Variants in ENTREP2 observed in about 807,000 individuals in gnomAD.
ENTREP2 encodes the protein endosomal transmembrane epsin interactor 2, also known as protein ENTREP2.
the ENTREP2 span, chr15:29,126,625 C>T: frequency 2.1e-5 from 15 of 727,076 alleles, no homozygotes; most frequent in Admixed American, 5.5e-5. Flanking sequence ...ATAAGATTGA[C>T]AAATGCTGCT....
chr15:29,403,779 C>T, the ENTREP2 span, among the ~76,000 whole-genome samples: 1 of 152,184 alleles, frequency 6.6e-6, no homozygotes, highest in Admixed American at 6.5e-5. Flanking sequence ...CCTGACTTAG[C>T]CCCAAAGCAG....
At chr15:29,175,120 A>C in the ENTREP2 span, among the ~76,000 whole-genome samples, 1 of 152,152 alleles carries the variant, frequency 6.6e-6, no homozygotes, top group African/African-American at 2.4e-5. Flanking sequence ...TGTATGTATC[A>C]CTGCATATGG....
chr15:29,518,477 T>C, the ENTREP2 span, among the ~76,000 whole-genome samples: 2 of 152,114 alleles, frequency 1.3e-5, no homozygotes, highest in Non-Finnish European at 2.9e-5. Flanking sequence ...ATGCACCTCC[T>C]ATAGAAACAC....
chr15:29,222,470 C>A, the ENTREP2 span, among the ~76,000 whole-genome samples: 1 of 152,156 alleles, frequency 6.6e-6, no homozygotes, highest in Admixed American at 6.5e-5. Flanking sequence ...GCCTCTAATT[C>A]TTTCTTGCGC....
chr15:29,412,594 A>C, the ENTREP2 span, among the ~76,000 whole-genome samples: 1 of 152,060 alleles, frequency 6.6e-6, no homozygotes, highest in Non-Finnish European at 1.5e-5. Flanking sequence ...AAATCTGTCC[A>C]TTACATCTGA....
At chr15:29,479,695 A>G in the ENTREP2 span, among the ~76,000 whole-genome samples, 69 of 151,508 alleles carry the variant, frequency 4.6e-4, no homozygotes, top group Admixed American at 2.4e-3. Flanking sequence ...ACACACACAC[A>G]CACACACACA....
At chr15:29,272,432 G>T in the ENTREP2 span, among the ~76,000 whole-genome samples, 1 of 152,042 alleles carries the variant, frequency 6.6e-6, no homozygotes, top group Non-Finnish European at 1.5e-5. Context: ...AAAATATTAG[G>T]ATATTTTCAA....
At chr15:29,237,026 C>T in the ENTREP2 span, among the ~76,000 whole-genome samples, 1 of 152,142 alleles carries the variant, frequency 6.6e-6, no homozygotes, top group East Asian at 1.9e-4. Context: ...TTACTACATG[C>T]CATGGCCAAG....
chr15:29,523,300 G>A, the ENTREP2 span, among the ~76,000 whole-genome samples: 1 of 152,188 alleles, frequency 6.6e-6, no homozygotes, highest in African/African-American at 2.4e-5. Context: ...TCCTGTACAT[G>A]TGCAATAAAC....
the ENTREP2 span, among the ~76,000 whole-genome samples, chr15:29,632,855 C>T: frequency 3.3e-5 from 5 of 152,320 alleles, no homozygotes; most frequent in Non-Finnish European, 7.4e-5. Context: ...GGTTTTACAT[C>T]AGGTTTCCCA....
chr15:29,586,500 G>A, the ENTREP2 span, among the ~76,000 whole-genome samples: 1 of 152,322 alleles, frequency 6.6e-6, no homozygotes, highest in East Asian at 1.9e-4. Flanking sequence ...TTTTCTAAAA[G>A]ACCAATGGAG....
At chr15:29,217,543 T>C in the ENTREP2 span, among the ~76,000 whole-genome samples, 1 of 152,246 alleles carries the variant, frequency 6.6e-6, no homozygotes. Flanking sequence ...TGTTGAATTC[T>C]ATTCCTGAGA....
chr15:29,570,547 C>G, the ENTREP2 span: 2 of 1,465,946 alleles, frequency 1.4e-6, no homozygotes, highest in Non-Finnish European at 1.8e-6. Flanking sequence ...GGACGCGGGC[C>G]GAGGTGGTGA....
the ENTREP2 span, among the ~76,000 whole-genome samples, chr15:29,156,431 AC>A: frequency 6.6e-6 from 1 of 151,874 alleles, no homozygotes; most frequent in Non-Finnish European, 1.5e-5. Context: ...CAGGTGATCC[AC>A]CCTCCTCGGC....
At chr15:29,288,904 T>C in the ENTREP2 span, among the ~76,000 whole-genome samples, 1,273 of 152,014 alleles carry the variant, frequency 8.4e-3, 5 homozygotes, top group Non-Finnish European at 0.014. Flanking sequence ...TTCCAGAACA[T>C]ACAAAATAAA....
At chr15:29,633,185 C>T in the ENTREP2 span, among the ~76,000 whole-genome samples, 1 of 152,152 alleles carries the variant, frequency 6.6e-6, no homozygotes. Context: ...AGTGCAGAGA[C>T]TGGCACCACC....
At chr15:29,119,933 A>C in the ENTREP2 span, among the ~76,000 whole-genome samples, 1 of 152,186 alleles carries the variant, frequency 6.6e-6, no homozygotes, top group Non-Finnish European at 1.5e-5. Context: ...CAAATCATAC[A>C]CATCTTTAAA....
chr15:29,632,634 A>T, the ENTREP2 span, among the ~76,000 whole-genome samples: 1 of 152,124 alleles, frequency 6.6e-6, no homozygotes, highest in Non-Finnish European at 1.5e-5. Context: ...AAAATGCAAA[A>T]ATTAGCTAGG....
the ENTREP2 span, among the ~76,000 whole-genome samples, chr15:29,594,844 A>C: frequency 1.3e-5 from 2 of 151,920 alleles, no homozygotes; most frequent in Non-Finnish European, 2.9e-5. Flanking sequence ...AGGCGGGCGG[A>C]TCACGAGGTC....
Sources: gnomAD v4.1 joint callset for allele counts (sites outside exome capture counted in the v4.1 genomes callset) on GRCh38, gnomAD v4.1.1 for gene constraint, MANE v1.5 for transcripts, NCBI Gene and HGNC (gene_info 2026-07-23, HGNC 2026-07-21) for gene names.